Variants in PSKH2 observed in about 807,000 individuals in gnomAD.
The protein encoded by PSKH2 is serine/threonine-protein kinase H2.
PSKH2 carries 16 observed loss-of-function variants against 22.5 expected under a neutral mutation model. The ratio of observed to expected loss-of-function variants is 0.71; its 90% CI spans 0.48 to 1.08. The LOEUF (loss-of-function observed/expected upper bound fraction) is 1.08, where lower values mean the gene tolerates loss of function less well. Among genes scored for constraint, PSKH2 ranks in the 50% least tolerant of loss-of-function variants. PSKH2 has a pLI of 0.00. For synonymous variants in PSKH2, 188 were observed against 184.8 expected (o/e 1.02, Z -0.14); for missense variants, 516 against 492.8 (o/e 1.05, Z -0.44).
chr8:86,058,916 G>A (rs1217516023), intron 2 of PSKH2, among the ~76,000 whole-genome samples: 1 of 149,120 alleles, frequency 6.7e-6, no homozygotes, highest in African/African-American at 2.4e-5. Context: ...ATCTCTGGAA[G>A]TTTTCATCCA....
At chr8:86,069,714 G>GTCCC, upstream of PSKH2, 1 of 1,363,680 alleles carries the variant, frequency 7.3e-7, no homozygotes, top group Non-Finnish European at 9.5e-7. Flanking sequence ...AGCTGCGAGG[G>GTCCC]GCGGGACCCT....
chr8:86,051,035 C>T (rs186506456), intron 2 of PSKH2, among the ~76,000 whole-genome samples: 5 of 151,750 alleles, frequency 3.3e-5, no homozygotes, highest in Admixed American at 3.3e-4. Flanking sequence ...CCCACTCCCA[C>T]CCCCACCCAT....
rs1247422970 is a variant in PSKH2 at position 86,049,722 on chromosome 8, GAAAGAAAGAAAGAAAGAAAGAAAGAAAC to G, written c.853-983_853-956del. Among the ~76,000 whole-genome samples, 299 of 69,184 alleles carry G rather than the reference GAAAGAAAGAAAGAAAGAAAGAAAGAAAC, an allele frequency of 4.3e-3. 13 individuals are homozygous for G. Among genetic ancestry groups the G allele is most frequent in the African/African-American group, 0.014 (266 of 18,780 alleles). 45.4% of individuals were successfully genotyped at this position (69,184 alleles called of 152,430 possible). ...AGAAAGAAAGAAAGAAAGAAAGAAA[GAAAGAAAGAAAGAAAGAAAGAAAGAAAC>G]GAAAGAAAGAAAGAAAGAGAAAAGA... On this transcript the variant is annotated intron_variant, in intron 2 of 2. Coordinates refer to ENST00000276616, the MANE Select transcript of PSKH2 (RefSeq NM_033126.3).
chr8:86,048,878 A>T lies in PSKH2; in HGVS notation c.853-111T>A, dbSNP rs987865777. The T allele has an allele frequency of 4.1e-6, 4 of 969,352 alleles. No homozygotes were observed. The African/African-American group carries it at 6.6e-5, about 16-fold the overall frequency. The allele number at this position is 969,352 out of a possible 1,614,324, so 60.0% of individuals were successfully genotyped here. A position where few individuals can be genotyped will look rare whatever the true frequency, so the allele number is the denominator to read the frequency against. On this transcript the variant is annotated intron_variant, in intron 2 of 2. Transcript: ENST00000276616. ...GATCAATGCCAATCGAATCCAAAAA[A>T]CTTTTTCAAATAAGCAGTTTTAATA... is the stretch of plus-strand genomic sequence containing the variant.
intron 1 of PSKH2, among the ~76,000 whole-genome samples, chr8:86,067,692 T>C (rs1817885112): frequency 6.6e-6 from 1 of 152,098 alleles, no homozygotes; most frequent in Non-Finnish European, 1.5e-5. Flanking sequence ...AATAATAGTG[T>C]TACAATCTGC....
At position 86,069,495 on chromosome 8, in the gene PSKH2, G is replaced by A. The variant is rs750519355; in HGVS notation, c.128C>T (p.Ala43Val). ...GPGPEAAAQA[A>V]QRIQVARFRA... is the part of the protein sequence containing the mutation. ...GAAGCGAGCCACCTGTATCCTCTGC[G>A]CCGCCTGGGCCGCCGCCTCGGGCCC... Residue 43 changes from alanine to valine, a missense_variant, in exon 1 of 3, where the codon GCG becomes GTG. By Grantham distance (64) the Ala-to-Val change is moderately conservative. Coordinates refer to ENST00000276616, the MANE Select transcript of PSKH2 (RefSeq NM_033126.3). The A allele has an allele frequency of 1.2e-6, 2 of 1,608,392 alleles. No individual in the cohort carries two copies. The highest frequency in any genetic ancestry group is 2.2e-5 in the East Asian group (1 of 44,698).
Position 86,064,654 on chromosome 8 carries a change from A to C in PSKH2, c.186-23T>G, listed in dbSNP as rs1031117381. ...TATCTGTTGGGAAGAAAAACCAAAC[A>C]TGTTATCCCCAGAAGTGATGATTCT... is the stretch of plus-strand genomic sequence containing the variant. On this transcript the variant is annotated intron_variant, in intron 1 of 2. Coordinates refer to ENST00000276616, the MANE Select transcript of PSKH2 (RefSeq NM_033126.3). 8.2e-6 allele frequency: 13 copies of C among 1,580,570 alleles called. No individual in the cohort carries two copies. The African/African-American group carries it at 1.2e-4, about 15-fold the overall frequency.
chr8:86,050,536 C>T (rs567487517), intron 2 of PSKH2, among the ~76,000 whole-genome samples: 18 of 152,264 alleles, frequency 1.2e-4, no homozygotes, highest in African/African-American at 4.1e-4. Context: ...GAAGTTAGGA[C>T]GTTTTCCAGA....
intron 2 of PSKH2, among the ~76,000 whole-genome samples, chr8:86,054,964 A>G (rs1817680220): frequency 6.6e-6 from 1 of 152,166 alleles, no homozygotes; most frequent in Admixed American, 6.5e-5. Context: ...AGAAAAAACA[A>G]CGTAACAGTG....
In PSKH2 at chr8:86,064,096, T is replaced by C. The variant is rs151062395; in HGVS notation, c.721A>G (p.Ser241Gly). The C allele has an allele frequency of 5.4e-5, 87 of 1,614,048 alleles. No homozygotes were observed. The highest frequency in any genetic ancestry group is 6.9e-5 in the Non-Finnish European group (82 of 1,180,038). Reference sequence around the variant, plus strand: ...CCAAGAGCCCACATGTCCACTGCACTGGTATAAGGCTTCCTTAGCAAAACC... The same window carrying C: ...CCAAGAGCCCACATGTCCACTGCACCGGTATAAGGCTTCCTTAGCAAAACC... ...PEVLLRKPYTSAVDMWALGVI... is the reference protein window; with the variant it reads ...PEVLLRKPYTGAVDMWALGVI... Residue 241 changes from serine to glycine, a missense_variant, in exon 2 of 3, where the codon AGT becomes GGT. Coordinates refer to ENST00000276616, the MANE Select transcript of PSKH2 (RefSeq NM_033126.3).
chr8:86,048,294 G>T lies in PSKH2; in HGVS notation c.*168C>A. On this transcript the variant is annotated 3_prime_UTR_variant, in exon 3 of 3. Coordinates refer to ENST00000276616, the MANE Select transcript of PSKH2 (RefSeq NM_033126.3). ...AATCATTTGCAGCAGTATATTTTGG[G>T]AAAATGAATACAGGTATAGGAAAAA... The T allele has an allele frequency of 3.7e-6, 2 of 545,216 alleles. No individual in the cohort carries two copies. The highest frequency in any genetic ancestry group is 3.0e-5 in the South Asian group (1 of 33,206). The allele number at this position is 545,216 out of a possible 1,614,324, so 33.8% of individuals were successfully genotyped here.
At chr8:86,050,566 C>T in intron 2 of PSKH2, among the ~76,000 whole-genome samples, 2 of 152,184 alleles carry the variant, frequency 1.3e-5, no homozygotes, top group East Asian at 3.9e-4. Context: ...CCCACTTTGG[C>T]CTGATCAGAC....
At chr8:86,055,341 CCAT>C (rs1443565748) in intron 2 of PSKH2, among the ~76,000 whole-genome samples, 2 of 152,126 alleles carry the variant, frequency 1.3e-5, no homozygotes, top group African/African-American at 4.8e-5. Flanking sequence ...AAACACACCA[CCAT>C]CATTTCCCTT....
At position 86,049,734 on chromosome 8, in the gene PSKH2, G is replaced by C. The variant is rs1473897944; in HGVS notation, c.853-967C>G. On this transcript the variant is annotated intron_variant, in intron 2 of 2. Coordinates refer to ENST00000276616, the MANE Select transcript of PSKH2 (RefSeq NM_033126.3). Reference sequence around the variant, plus strand: ...AGAAAGAAAGAAAGAAAGAAAGAAAGAAAGAAAGAAAGAAACGAAAGAAAG... The same window carrying C: ...AGAAAGAAAGAAAGAAAGAAAGAAACAAAGAAAGAAAGAAACGAAAGAAAG... Among the ~76,000 whole-genome samples the C allele has an allele frequency of 6.6e-5, 3 of 45,686 alleles. No homozygotes were observed. In the South Asian group the frequency reaches 3.0e-3, roughly 46 times the overall value. The allele number at this position is 45,686 out of a possible 152,430, so 30.0% of individuals were successfully genotyped here.
Position 86,064,539 on chromosome 8 carries a change from ACTTTTATTGCAAAAGGTTT to A in PSKH2, c.259_277del (p.Lys87Ter). On this transcript the variant is annotated frameshift_variant, in exon 2 of 3. Coordinates refer to ENST00000276616, the MANE Select transcript of PSKH2 (RefSeq NM_033126.3). LOFTEE classifies it high-confidence loss of function. ...ACCTTCCCTCTCTCTGGTTTCCATC[ACTTTTATTGCAAAAGGTTT>A]CTTGGTGGTCTTCTGCTCTACCCTG... 1 of 1,613,712 alleles carries A rather than the reference ACTTTTATTGCAAAAGGTTT, an allele frequency of 6.2e-7. No individual in the cohort carries two copies. The highest frequency in any genetic ancestry group is 8.5e-7 in the Non-Finnish European group (1 of 1,179,950).
chr8:86,049,095 C>T (rs1003509686), intron 2 of PSKH2, among the ~76,000 whole-genome samples: 3 of 152,100 alleles, frequency 2.0e-5, no homozygotes, highest in East Asian at 1.9e-4. Flanking sequence ...ACTGCATTTA[C>T]GGGAGCTGGA....
chr8:86,058,868 A>T (rs573902697), intron 2 of PSKH2, among the ~76,000 whole-genome samples: 28 of 152,142 alleles, frequency 1.8e-4, no homozygotes, highest in Non-Finnish European at 3.7e-4. Context: ...TATATTAAAC[A>T]CCTCACTCCC....
At position 86,060,170 on chromosome 8, in the gene PSKH2, C is replaced by A. The variant is rs1418037895; in HGVS notation, c.852+3795G>T. ...CTCACCATGCCTTTTCTCCCCTCCC[C>A]CTCCCAGAACCTGTCTCCAAACTCC... On this transcript the variant is annotated intron_variant, in intron 2 of 2. Coordinates refer to ENST00000276616, the MANE Select transcript of PSKH2 (RefSeq NM_033126.3). Among the ~76,000 whole-genome samples the A allele has an allele frequency of 3.9e-5, 6 of 152,154 alleles. No homozygotes were observed. In the East Asian group the frequency reaches 9.6e-4, roughly 24 times the overall value.
At chr8:86,053,553 T>C (rs906926438) in intron 2 of PSKH2, among the ~76,000 whole-genome samples, 1 of 152,212 alleles carries the variant, frequency 6.6e-6, no homozygotes, top group East Asian at 1.9e-4. Flanking sequence ...ATATTCAAGA[T>C]TAAAATTTTC....
Sources: allele counts gnomAD v4.1 joint callset (sites outside exome capture counted in the v4.1 genomes callset), GRCh38; gene constraint gnomAD v4.1.1; transcripts MANE v1.5; gene names NCBI Gene and HGNC (gene_info 2026-07-23, HGNC 2026-07-21).